The following WWC1 variants were observed in gnomAD, a reference collection of about 807,000 sequenced individuals.
The protein encoded by WWC1 is protein KIBRA.
A neutral mutation model predicts 138.4 loss-of-function variants in WWC1; 55 were observed. That is an observed-to-expected ratio of 0.40 (90% CI 0.32 to 0.50). The LOEUF is 0.50. WWC1 is among the 20% of genes least tolerant of loss of function. The pLI is 0.72. For synonymous variants in WWC1, 524 were observed against 564.9 expected, an observed-to-expected ratio of 0.93 and a Z score of 1.03; for missense variants, 1,226 against 1,420.4, an observed-to-expected ratio of 0.86 and a Z score of 2.20.
chr5:168,326,220 T>TTTTTC (rs1233934963), intron 1 of WWC1, among the ~76,000 whole-genome samples: 1 of 147,998 alleles, frequency 6.8e-6, no homozygotes, highest in Admixed American at 6.6e-5. Flanking sequence ...GATAGTCTTT[T>TTTTTC]TTTTTTTTTT....
chr5:168,403,088 TTTTCTTTCTTTC>T (rs374311223), intron 5 of WWC1, among the ~76,000 whole-genome samples: 1 of 124,190 alleles, frequency 8.1e-6, no homozygotes, highest in African/African-American at 3.5e-5. Flanking sequence ...CTTTTCTTTC[TTTTCTTTCTTTC>T]TTTCTTTCTT....
intron 1 of WWC1, among the ~76,000 whole-genome samples, chr5:168,315,734 G>A (rs918878949): frequency 1.3e-5 from 2 of 152,248 alleles, no homozygotes; most frequent in Non-Finnish European, 2.9e-5. Flanking sequence ...CAACGGAAGG[G>A]CTACAGAGTA....
intron 1 of WWC1, among the ~76,000 whole-genome samples, chr5:168,300,713 G>A (rs1370545014): frequency 2.0e-5 from 3 of 151,956 alleles, no homozygotes; most frequent in Non-Finnish European, 4.4e-5. Flanking sequence ...ACTTTCCCCA[G>A]TCGGCTGCCT....
chr5:168,338,728 A>AT (rs1581963493), intron 1 of WWC1, among the ~76,000 whole-genome samples: 2 of 152,108 alleles, frequency 1.3e-5, no homozygotes, highest in Admixed American at 6.6e-5. Flanking sequence ...ATCAGAAGGG[A>AT]TTTTTCCTGC....
chr5:168,339,972 T>C, intron 1 of WWC1, among the ~76,000 whole-genome samples: 1 of 110,706 alleles, frequency 9.0e-6, no homozygotes, highest in East Asian at 2.2e-4. Flanking sequence ...TCTCTCTGTC[T>C]CTCTTTCTCT....
intron 1 of WWC1, among the ~76,000 whole-genome samples, chr5:168,295,913 T>C (rs1220805975): frequency 6.6e-6 from 1 of 152,184 alleles, no homozygotes; most frequent in Non-Finnish European, 1.5e-5. Flanking sequence ...GCTTGGGTCC[T>C]GCCCACTGGG....
At chr5:168,326,069 T>G (rs530191490) in intron 1 of WWC1, among the ~76,000 whole-genome samples, 3 of 152,168 alleles carry the variant, frequency 2.0e-5, no homozygotes, top group Non-Finnish European at 4.4e-5. Context: ...CGGTGGACAT[T>G]TGGGTTGCTT....
chr5:168,428,859 C>G (rs1301319590), intron 13 of WWC1, 72 bp downstream of exon 13: 8 of 1,531,854 alleles, frequency 5.2e-6, no homozygotes, highest in Non-Finnish European at 2.7e-6. Context: ...CAGCGTTCCC[C>G]AGCATTTACC....
In WWC1 at chr5:168,357,477, TGTGTGTGTGTGTGTGTGC is replaced by T. The variant is rs1322501721; in HGVS notation, c.120-13945_120-13928del. 3.6e-5 allele frequency among the ~76,000 whole-genome samples: 5 copies of T among 137,992 alleles called. No homozygotes were observed. The East Asian group carries it at 9.3e-4, about 26-fold the overall frequency. The allele number at this position is 137,992 out of a possible 152,430, so 90.5% of individuals were successfully genotyped here. On this transcript the variant is annotated intron_variant, in intron 1 of 22. Coordinates refer to ENST00000265293, the MANE Select transcript of WWC1 (RefSeq NM_015238.3). Reference sequence around the variant, plus strand: ...GTGTGTGTGTGTGTGTGTGTGTGTGTGTGTGTGTGTGTGTGTGCGCGCGCGCACGCATGCACGTGCGTG... The same window carrying T: ...GTGTGTGTGTGTGTGTGTGTGTGTGTGCGCGCGCACGCATGCACGTGCGTG...
At chr5:168,431,891 A>C (rs113864735) in intron 15 of WWC1, among the ~76,000 whole-genome samples, 5 of 152,054 alleles carry the variant, frequency 3.3e-5, no homozygotes, top group African/African-American at 1.2e-4. Flanking sequence ...GCAACACAGC[A>C]AGACCCCATC....
intron 21 of WWC1, 193 bp from the exon 22 acceptor site, chr5:168,467,647 G>T: frequency 2.6e-6 from 2 of 773,924 alleles, no homozygotes; most frequent in South Asian, 4.4e-5. Context: ...CCGTTTCCTG[G>T]CCCCAAAAAT....
intron 1 of WWC1, among the ~76,000 whole-genome samples, chr5:168,330,450 A>G (rs1250786291): frequency 6.6e-6 from 1 of 152,182 alleles, no homozygotes; most frequent in Non-Finnish European, 1.5e-5. Context: ...GGAGCTAACA[A>G]TAGGCACCTT....
chr5:168,318,839 C>T (rs1771827137), intron 1 of WWC1, among the ~76,000 whole-genome samples: 1 of 152,122 alleles, frequency 6.6e-6, no homozygotes. Flanking sequence ...GGATTACAGG[C>T]ATGAGCCACC....
Position 168,464,952 on chromosome 5 carries a change from T to G in WWC1, c.3140T>G (p.Leu1047Arg). ...CGTTTCCGCCTGCTGCTGAGGATGC[T>G]GGAGAAGCGGGTGAGTTCTGCCTCG... ...DERFRLLLRM[L>R]EKRQMDRAEH... Residue 1047 changes from leucine (L) to arginine (R), a missense_variant, in exon 21 of 23, where the codon CTG becomes CGG. Coordinates refer to ENST00000265293, the MANE Select transcript of WWC1 (RefSeq NM_015238.3). 1 of 1,613,870 alleles carries G rather than the reference T, an allele frequency of 6.2e-7. No individual in the cohort carries two copies. The highest frequency in any genetic ancestry group is 8.5e-7 in the Non-Finnish European group (1 of 1,179,908).
chr5:168,358,810 A>G (rs1288814575), intron 1 of WWC1, among the ~76,000 whole-genome samples: 1 of 152,082 alleles, frequency 6.6e-6, no homozygotes, highest in East Asian at 1.9e-4. Flanking sequence ...GTACACATAC[A>G]TACATGTATA....
At chr5:168,379,811 G>A (rs961184903) in intron 2 of WWC1, among the ~76,000 whole-genome samples, 1 of 152,042 alleles carries the variant, frequency 6.6e-6, no homozygotes, top group African/African-American at 2.4e-5. Flanking sequence ...AAAAAAATAG[G>A]CCACCACTTC....
Position 168,414,342 on chromosome 5 carries a change from C to G in WWC1, c.942-6C>G. 6.2e-7 allele frequency: 1 copy of G among 1,612,484 alleles called. No homozygotes were observed. The highest frequency in any genetic ancestry group is 8.5e-7 in the Non-Finnish European group (1 of 1,179,522). The stretch of plus-strand genomic sequence containing the variant: ...CACCAGTCATGCTTGCTTTCTTGGC[C>G]CCCAGGATCGCCAACCTGAAGATCC... On this transcript the variant is annotated splice_region_variant and splice_polypyrimidine_tract_variant and intron_variant, in intron 8 of 22. Coordinates refer to ENST00000265293, the MANE Select transcript of WWC1 (RefSeq NM_015238.3).
intron 2 of WWC1, among the ~76,000 whole-genome samples, chr5:168,374,157 A>G (rs751696266): frequency 1.3e-5 from 2 of 152,034 alleles, no homozygotes; most frequent in Non-Finnish European, 2.9e-5. Context: ...TTATTGGCCA[A>G]CTCTTCTGGG....
At chr5:168,465,599 G>C (rs1419823600) in intron 21 of WWC1, among the ~76,000 whole-genome samples, 1 of 101,872 alleles carries the variant, frequency 9.8e-6, no homozygotes, top group Non-Finnish European at 1.8e-5. Flanking sequence ...TCTCTCTGTC[G>C]CCCGGGCTGG....
Sources: allele counts gnomAD v4.1 joint callset (sites outside exome capture counted in the v4.1 genomes callset), GRCh38; gene constraint gnomAD v4.1.1; transcripts MANE v1.5; gene names NCBI Gene and HGNC (gene_info 2026-07-23, HGNC 2026-07-21).